MYO9B: variants seen among roughly 807,000 people sequenced by gnomAD.
MYO9B encodes the protein unconventional myosin-IXb.
A neutral mutation model predicts 229.5 loss-of-function variants in MYO9B; 71 were observed. The observed-to-expected ratio is 0.31, with a 90% confidence interval of 0.26 to 0.38. The LOEUF (loss-of-function observed/expected upper bound fraction) is 0.38, where lower values mean the gene tolerates loss of function less well. MYO9B is among the 10% of genes least tolerant of loss of function. The pLI is 1.00. For synonymous variants in MYO9B, 1,185 were observed against 1,235.8 expected, an observed-to-expected ratio of 0.96 and a Z score of 0.86; for missense variants, 2,255 against 2,920.5, an observed-to-expected ratio of 0.77 and a Z score of 5.25.
intron 2 of MYO9B, among the ~76,000 whole-genome samples, chr19:17,136,751 G>A (rs530582302): frequency 6.6e-6 from 1 of 152,126 alleles, no homozygotes; most frequent in South Asian, 2.1e-4. Flanking sequence ...CCCGCCCACC[G>A]ACCAGCCCCC....
At position 17,201,965 on chromosome 19, in the gene MYO9B, T is replaced by C. The variant is rs746665417; in HGVS notation, c.4603T>C (p.Leu1535=). 3.1e-6 allele frequency: 5 copies of C among 1,607,584 alleles called. No homozygotes were observed. Among genetic ancestry groups the C allele is most frequent in the Non-Finnish European group, 4.2e-6 (5 of 1,177,364 alleles). Residue 1535 remains leucine (L), a synonymous_variant, in exon 27 of 40, where the codon TTG becomes CTG. Transcript: ENST00000682292. ...TTCCCAGAAGACGCCCATTGAGAGC[T>C]TGTTTATCGAAGCCACCGAGAAGTT... The part of the protein sequence containing the change: ...LRSQKTPIES[L]FIEATEKFRS...
intron 1 of MYO9B, among the ~76,000 whole-genome samples, chr19:17,098,979 GA>G (rs59245743): frequency 0.69 from 94,514 of 137,578 alleles, 32,757 homozygotes; most frequent in East Asian, 0.91. Flanking sequence ...TCTCTCTTAG[GA>G]AAAAAAAAAA....
In MYO9B at chr19:17,210,321, T is replaced by C. The variant is rs2073212041; in HGVS notation, c.5749-12T>C. 1 of 1,592,050 alleles carries C rather than the reference T, an allele frequency of 6.3e-7. No homozygotes were observed. The highest frequency in any genetic ancestry group is 8.6e-7 in the Non-Finnish European group (1 of 1,168,832). Reference sequence around the variant, plus strand: ...GGCCCGTGTGGTCACCCTGTGTTCATCTCTCTCCCAGCCATGGCCTCTCAA... The same window carrying C: ...GGCCCGTGTGGTCACCCTGTGTTCACCTCTCTCCCAGCCATGGCCTCTCAA... On this transcript the variant is annotated splice_polypyrimidine_tract_variant and intron_variant, in intron 36 of 39. Coordinates refer to ENST00000682292, the MANE Select transcript of MYO9B (RefSeq NM_004145.4).
At chr19:17,109,071 T>C (rs1599331495) in intron 2 of MYO9B, among the ~76,000 whole-genome samples, 1 of 126,452 alleles carries the variant, frequency 7.9e-6, no homozygotes, top group Admixed American at 8.0e-5. Flanking sequence ...TTTATTTATT[T>C]ATTTATTTAT....
intron 19 of MYO9B, among the ~76,000 whole-genome samples, chr19:17,189,444 T>C (rs1001402809): frequency 1.5e-5 from 2 of 136,176 alleles, no homozygotes; most frequent in Non-Finnish European, 3.1e-5. Flanking sequence ...AAAATCAGTC[T>C]AGGCAACATG....
At chr19:17,114,663 G>A (rs866868204) in intron 2 of MYO9B, among the ~76,000 whole-genome samples, 5 of 152,244 alleles carry the variant, frequency 3.3e-5, no homozygotes, top group Middle Eastern at 3.4e-3. Context: ...AATCAAAGAG[G>A]TTTGCCGGTT....
intron 15 of MYO9B, chr19:17,183,587 G>A: frequency 1.9e-6 from 1 of 536,174 alleles, no homozygotes; most frequent in Middle Eastern, 4.2e-4. Flanking sequence ...CTTTGGGGCA[G>A]CCACCAGCAG....
At chr19:17,187,153 G>C (rs1385563575) in intron 18 of MYO9B, among the ~76,000 whole-genome samples, 2 of 152,130 alleles carry the variant, frequency 1.3e-5, no homozygotes, top group African/African-American at 4.8e-5. Flanking sequence ...CTCTCCCCTG[G>C]CAGGAAGCAT....
rs1323456256 is a variant in MYO9B at position 17,101,519 on chromosome 19, C to T, written c.-58-141C>T. ...CTCACGGGATGTCGTGACTGGTTGC[C>T]TCTGGCTTTTTGGGCGAGCCTAGTC... On this transcript the variant is annotated intron_variant, in intron 1 of 39. Coordinates refer to ENST00000682292, the MANE Select transcript of MYO9B (RefSeq NM_004145.4). This position sits in a 1 kb window ranked among gnomAD's most constrained non-coding sequence, Gnocchi z 4.7. 1 of 777,926 alleles carries T rather than the reference C, an allele frequency of 1.3e-6. No individual in the cohort carries two copies. Among genetic ancestry groups the T allele is most frequent in the Non-Finnish European group, 2.0e-6 (1 of 505,478 alleles). 48.2% of individuals were successfully genotyped at this position (777,926 alleles called of 1,614,324 possible).
chr19:17,209,540 C>G (rs754980303), intron 35 of MYO9B, 46 bp from the exon 36 acceptor site: 12 of 1,549,188 alleles, frequency 7.7e-6, no homozygotes, highest in Non-Finnish European at 1.0e-5. Context: ...TCAGACGTCC[C>G]CGGGGCGGTA....
intron 3 of MYO9B, among the ~76,000 whole-genome samples, chr19:17,149,413 A>G (rs1412734431): frequency 6.6e-6 from 1 of 152,098 alleles, no homozygotes; most frequent in Non-Finnish European, 1.5e-5. Flanking sequence ...GACCTTCCCC[A>G]GGCTCCCATC....
chr19:17,213,110 CAGGAGGG>C lies in MYO9B; in HGVS notation c.*801_*807del, dbSNP rs2073249965. The C allele has an allele frequency of 2.6e-5, 4 of 152,268 alleles. No individual in the cohort carries two copies. The highest frequency in any genetic ancestry group is 4.4e-5 in the Non-Finnish European group (3 of 68,064). 9.4% of individuals were successfully genotyped at this position (152,268 alleles called of 1,614,324 possible). ...CAGCGACTCAGGACTGCTCACGGGTCAGGAGGGCAACGCCTGAAGTCAGACCTCCCTA... is the reference window on the plus strand; with the variant it reads ...CAGCGACTCAGGACTGCTCACGGGTCCAACGCCTGAAGTCAGACCTCCCTA... On this transcript the variant is annotated 3_prime_UTR_variant, in exon 40 of 40. Transcript: ENST00000682292.
At chr19:17,124,345 C>G (rs977837455) in intron 2 of MYO9B, among the ~76,000 whole-genome samples, 31 of 152,094 alleles carry the variant, frequency 2.0e-4, no homozygotes, top group African/African-American at 7.5e-4. Context: ...AAAATCATTC[C>G]TATGTCAGGT....
intron 11 of MYO9B, 103 bp downstream of exon 11, chr19:17,168,167 G>C (rs562779893): frequency 4.1e-6 from 6 of 1,469,194 alleles, no homozygotes; most frequent in Admixed American, 2.1e-5. Context: ...TTTCCCAAGA[G>C]CGCCTTTTTA....
At chr19:17,143,704 T>G (rs2072371306) in intron 2 of MYO9B, among the ~76,000 whole-genome samples, 1 of 150,908 alleles carries the variant, frequency 6.6e-6, no homozygotes, top group African/African-American at 2.5e-5. Context: ...GGGCAGATCA[T>G]GAGGTCAAGA....
chr19:17,200,143 G>A (rs1353228025), intron 24 of MYO9B, 150 bp from the exon 25 acceptor site: 7 of 995,592 alleles, frequency 7.0e-6, no homozygotes, highest in Non-Finnish European at 1.0e-5. Context: ...AAAGTGCTGG[G>A]ATTACAGGCA....
At position 17,211,770 on chromosome 19, in the gene MYO9B, G is replaced by A. The variant is rs572227199; in HGVS notation, c.6054G>A (p.Ser2018=). 2.0e-5 allele frequency: 32 copies of A among 1,612,782 alleles called. No homozygotes were observed. The highest frequency in any genetic ancestry group is 1.6e-4 in the South Asian group (15 of 91,050). ...AGGAGCGGGCCGGGCGGGGGGCCTC[G>A]GAAGGTCAGTATTAAGGTAGCGTCT... The part of the protein sequence containing the change: ...LLEERAGRGA[S]EGPPAPALPC... The change falls in exon 39 of 40, where the codon TCG becomes TCA. Residue 2018 remains serine (S), a synonymous_variant. Transcript: ENST00000682292.
At chr19:17,086,560 C>A (rs1469969595) in intron 1 of MYO9B, among the ~76,000 whole-genome samples, 3 of 152,174 alleles carry the variant, frequency 2.0e-5, no homozygotes, top group African/African-American at 7.2e-5. Flanking sequence ...TTTGCAGTAT[C>A]CCCTCGCCAC....
intron 36 of MYO9B, 45 bp downstream of exon 36, chr19:17,209,754 G>A (rs1274495396): frequency 1.9e-6 from 3 of 1,605,778 alleles, no homozygotes; most frequent in Non-Finnish European, 2.6e-6. Context: ...TGGTGGGGCG[G>A]AGCCTGGTGC....
Sources: gnomAD v4.1 joint callset for allele counts (sites outside exome capture counted in the v4.1 genomes callset) on GRCh38, gnomAD v4.1.1 for gene constraint, Gnocchi (gnomAD v3.1) non-coding constraint, MANE v1.5 for transcripts, NCBI Gene and HGNC (gene_info 2026-07-23, HGNC 2026-07-21) for gene names.